RFX3: variants seen among roughly 807,000 people sequenced by gnomAD.
RFX3 encodes regulatory factor X3.
In RFX3, 14 loss-of-function variants were observed where a neutral mutation model predicts 98.6. That is an observed-to-expected ratio of 0.14 (90% CI 0.09 to 0.22). RFX3 has a LOEUF of 0.22. Among genes scored for constraint, RFX3 ranks in the 10% least tolerant of loss-of-function variants. The probability of loss-of-function intolerance (pLI) is 1.00; values close to 1 mark genes in which losing one functional copy is unlikely to be tolerated. For synonymous variants in RFX3, 383 were observed against 328.4 expected (o/e 1.17, Z -1.80); for missense variants, 639 against 926.9 (o/e 0.69, Z 4.03).
At chr9:3,450,489 T>C (rs190286588) in intron 1 of RFX3, among the ~76,000 whole-genome samples, 7 of 152,320 alleles carry the variant, frequency 4.6e-5, no homozygotes, top group Non-Finnish European at 1.0e-4. Flanking sequence ...AAGAAAGTAC[T>C]ATTCTTTCTT....
intron 1 of RFX3, among the ~76,000 whole-genome samples, chr9:3,455,897 T>C (rs1847105902): frequency 6.6e-6 from 1 of 152,250 alleles, no homozygotes. Flanking sequence ...TCTACACTTG[T>C]GTTTTAGTTT....
At chr9:3,492,370 G>T (rs1850788547) in intron 1 of RFX3, among the ~76,000 whole-genome samples, 1 of 152,198 alleles carries the variant, frequency 6.6e-6, no homozygotes, top group Non-Finnish European at 1.5e-5. Flanking sequence ...CAGGCGAGAG[G>T]GCCCATTGCC....
At chr9:3,302,063 T>C (rs1828730809) in intron 4 of RFX3, among the ~76,000 whole-genome samples, 1 of 151,902 alleles carries the variant, frequency 6.6e-6, no homozygotes, top group African/African-American at 2.4e-5. Flanking sequence ...TATGCATTAA[T>C]ATTTTAATGC....
chr9:3,368,003 T>G (rs927853086), intron 2 of RFX3, among the ~76,000 whole-genome samples: 2 of 152,236 alleles, frequency 1.3e-5, no homozygotes, highest in South Asian at 4.1e-4. Context: ...TTTAGCTACA[T>G]ACATGCAGTG....
intron 1 of RFX3, among the ~76,000 whole-genome samples, chr9:3,410,038 T>C (rs1267525580): frequency 1.3e-5 from 2 of 152,132 alleles, no homozygotes. Context: ...AGGAAAGAAA[T>C]ACTCATATAA....
At chr9:3,513,335 T>C (rs1236123362) in intron 1 of RFX3, among the ~76,000 whole-genome samples, 1 of 152,180 alleles carries the variant, frequency 6.6e-6, no homozygotes, top group Admixed American at 6.5e-5. Context: ...ATTTAGTCCC[T>C]GAAATGATAT....
rs116688926 is a variant in RFX3 at position 3,428,193 on chromosome 9, A to G, written c.-8-32597T>C. ...TCAAGGTATTACATCAAGGCATTAC[A>G]TCAAGGCAAGTAGCAAAAGCTCTTG... On this transcript the variant is annotated intron_variant, in intron 1 of 16. Transcript: ENST00000617270. Among the ~76,000 whole-genome samples, 1,110 of 152,302 alleles carry G rather than the reference A, an allele frequency of 7.3e-3. 10 individuals carry two copies. Among genetic ancestry groups the G allele is most frequent in the African/African-American group, 0.025 (1,057 of 41,568 alleles).
Position 3,432,048 on chromosome 9 carries a change from T to C in RFX3, c.-8-36452A>G, listed in dbSNP as rs377463875. ...TTCCCCAAGCCATGAAGAAGAAAGA[T>C]AAACACCAGCTAAGCTTTTGGTTGT... On this transcript the variant is annotated intron_variant, in intron 1 of 16. Transcript: ENST00000617270. Among the ~76,000 whole-genome samples the C allele has an allele frequency of 1.8e-3, 278 of 152,252 alleles. 1 individual carries two copies. Among genetic ancestry groups the C allele is most frequent in the Admixed American group, 4.3e-3 (65 of 15,286 alleles).
At chr9:3,357,525 C>T (rs1587288287) in intron 2 of RFX3, among the ~76,000 whole-genome samples, 2 of 151,760 alleles carry the variant, frequency 1.3e-5, no homozygotes, top group African/African-American at 4.8e-5. Flanking sequence ...CGCAGGAAAG[C>T]AGTATTTAAA....
chr9:3,502,088 A>G (rs987020464), intron 1 of RFX3, among the ~76,000 whole-genome samples: 1 of 140,348 alleles, frequency 7.1e-6, no homozygotes, highest in African/African-American at 2.6e-5. Context: ...CGTCTCCACT[A>G]AAAAAAAAAA....
intron 1 of RFX3, chr9:3,524,523 T>G: frequency 3.1e-6 from 3 of 982,566 alleles, no homozygotes; most frequent in Non-Finnish European, 3.6e-6. Flanking sequence ...GAACTTGACT[T>G]GAATTTCAAC....
chr9:3,338,459 C>T (rs969746010), intron 3 of RFX3, among the ~76,000 whole-genome samples: 8 of 152,186 alleles, frequency 5.3e-5, no homozygotes, highest in Non-Finnish European at 1.2e-4. Flanking sequence ...ATACTGGAAT[C>T]ATTTATACCA....
At chr9:3,334,039 C>T (rs1587130266) in intron 3 of RFX3, among the ~76,000 whole-genome samples, 2 of 150,770 alleles carry the variant, frequency 1.3e-5, no homozygotes, top group South Asian at 4.2e-4. Context: ...AAGCACAGAG[C>T]TGATGAATCA....
chr9:3,247,055 T>C, intron 15 of RFX3: 1 of 982,054 alleles, frequency 1.0e-6, no homozygotes, highest in Non-Finnish European at 1.2e-6. Context: ...CACTCTTTTT[T>C]ATTTATATAA....
chr9:3,406,080 C>T (rs1841945782), intron 1 of RFX3, among the ~76,000 whole-genome samples: 1 of 152,094 alleles, frequency 6.6e-6, no homozygotes, highest in South Asian at 2.1e-4. Context: ...TCTCAGCCTC[C>T]TTAGTAGCTG....
At chr9:3,278,002 T>C (rs1465586140) in intron 7 of RFX3, among the ~76,000 whole-genome samples, 8 of 151,856 alleles carry the variant, frequency 5.3e-5, no homozygotes, top group African/African-American at 1.9e-4. Context: ...CATCCTCAAA[T>C]ACAAAGGCCA....
rs186346219 is a variant in RFX3 at position 3,435,780 on chromosome 9, T to C, written c.-8-40184A>G. Among the ~76,000 whole-genome samples, 337 of 136,938 alleles carry C rather than the reference T, an allele frequency of 2.5e-3. 2 individuals carry two copies. The highest frequency in any genetic ancestry group is 3.3e-3 in the Non-Finnish European group (219 of 65,416). 89.8% of individuals were successfully genotyped at this position (136,938 alleles called of 152,430 possible). ...CAGAGAATTTCTTTTGATATCCTTA[T>C]ACTTAAGAAGCATCTGCATTGTAAA... On this transcript the variant is annotated intron_variant, in intron 1 of 16. Transcript: ENST00000617270.
intron 4 of RFX3, chr9:3,324,132 A>G (rs2130790208): frequency 2.6e-6 from 1 of 383,848 alleles, no homozygotes. Context: ...AGAAAAAGCT[A>G]AGATCATAAT....
intron 12 of RFX3, among the ~76,000 whole-genome samples, chr9:3,263,955 G>A (rs150855944): frequency 0.018 from 2,773 of 152,228 alleles, 30 homozygotes; most frequent in Non-Finnish European, 0.027. Flanking sequence ...CCACAGTCCT[G>A]AGGGAAAGAG....
Sources: gnomAD v4.1 joint callset for allele counts (sites outside exome capture counted in the v4.1 genomes callset) on GRCh38, gnomAD v4.1.1 for gene constraint, MANE v1.5 for transcripts, NCBI Gene and HGNC (gene_info 2026-07-23, HGNC 2026-07-21) for gene names.